Variants in CTPS2 observed in about 807,000 individuals in gnomAD.
CTPS2 encodes the protein CTP synthase II.
A neutral mutation model predicts 46.8 loss-of-function variants in CTPS2; 19 were observed. The observed-to-expected ratio is 0.41, with a 90% confidence interval of 0.28 to 0.60. The LOEUF (loss-of-function observed/expected upper bound fraction) is 0.60, where lower values mean the gene tolerates loss of function less well. Among genes scored for constraint, CTPS2 ranks in the 20% least tolerant of loss-of-function variants. CTPS2 has a pLI of 0.35. For missense variants in CTPS2, 286 were observed against 447.6 expected (o/e 0.64, Z 3.26); for synonymous variants, 151 against 165.2 (o/e 0.91, Z 0.66).
chrX:16,685,846 G>A (rs1394567447), intron 8 of CTPS2, among the ~76,000 whole-genome samples: 46 of 85,875 alleles, frequency 5.4e-4, no homozygotes, highest in African/African-American at 7.4e-4. Flanking sequence ...CAGCCTGGGC[G>A]ACACAGCGAG....
chrX:16,643,765 C>G (rs745562060), intron 13 of CTPS2, among the ~76,000 whole-genome samples: 2 of 110,908 alleles, frequency 1.8e-5, no homozygotes, highest in South Asian at 3.9e-4. Flanking sequence ...ACTAGCCATG[C>G]CCTCCTCATG....
chrX:16,679,906 G>A (rs1045185988), intron 9 of CTPS2, among the ~76,000 whole-genome samples: 1 of 111,388 alleles, frequency 9.0e-6, no homozygotes, highest in African/African-American at 3.3e-5. Context: ...CTGGTCTATG[G>A]TACTTTGTTA....
At chrX:16,632,068 CTAA>C (rs1194300918) in intron 14 of CTPS2, among the ~76,000 whole-genome samples, 3 of 111,304 alleles carry the variant, frequency 2.7e-5, no homozygotes, top group Non-Finnish European at 5.6e-5. Flanking sequence ...CAAAAATCGT[CTAA>C]TGAGTTAATT....
chrX:16,709,866 A>AAAC (rs1431813082), intron 1 of CTPS2, among the ~76,000 whole-genome samples: 2 of 108,049 alleles, frequency 1.9e-5, no homozygotes, highest in African/African-American at 3.4e-5. Context: ...AAAAAAAAAA[A>AAAC]AAAAAAACAG....
intron 8 of CTPS2, among the ~76,000 whole-genome samples, chrX:16,683,884 A>C (rs1922937106): frequency 8.9e-6 from 1 of 112,041 alleles, no homozygotes. Flanking sequence ...TTCCCAGCTG[A>C]CCCACAAAAG....
chrX:16,620,758 G>A, intron 14 of CTPS2, among the ~76,000 whole-genome samples: 1 of 112,024 alleles, frequency 8.9e-6, no homozygotes, highest in Non-Finnish European at 1.9e-5. Context: ...TGCCTTGCTG[G>A]GCAGCGGAGC....
At chrX:16,603,588 T>C (rs1929802089) in intron 17 of CTPS2, among the ~76,000 whole-genome samples, 1 of 104,658 alleles carries the variant, frequency 9.6e-6, no homozygotes, top group South Asian at 4.0e-4. Flanking sequence ...TATATATATC[T>C]ATATAGATAG....
chrX:16,617,046 G>C (rs1930566611), intron 16 of CTPS2, 104 bp downstream of exon 16: 2 of 545,525 alleles, frequency 3.7e-6, no homozygotes, highest in African/African-American at 4.7e-5. Context: ...TTTCAAAGGA[G>C]AGAAGAAAAG....
At chrX:16,630,300 G>T (rs1931396231) in intron 14 of CTPS2, among the ~76,000 whole-genome samples, 1 of 102,380 alleles carries the variant, frequency 9.8e-6, no homozygotes, top group African/African-American at 3.6e-5. Flanking sequence ...TGTTGCCCAG[G>T]TTGGAGTGCA....
chrX:16,651,626 T>C (rs1226524272), intron 13 of CTPS2, among the ~76,000 whole-genome samples: 1 of 112,459 alleles, frequency 8.9e-6, no homozygotes, highest in Admixed American at 9.4e-5. Context: ...CACTCATTTA[T>C]ATTTCAAAAG....
chrX:16,604,553 A>G (rs935958938), intron 17 of CTPS2, among the ~76,000 whole-genome samples: 1 of 111,280 alleles, frequency 9.0e-6, no homozygotes, highest in African/African-American at 3.3e-5. Context: ...CAGGCCAGGC[A>G]CATTGGCCCA....
chrX:16,691,545 CAGGGTTCACGTG>C lies in CTPS2; in HGVS notation c.703_714del (p.His235_Pro238del), dbSNP rs1371182771. The stretch of plus-strand genomic sequence containing the variant: ...ATCTAAAGAGCAGCACCAACCTGTT[CAGGGTTCACGTG>C]ACAAAACATAGAAATCTTCTCCTTC... On this transcript the variant is annotated inframe_deletion, in exon 7 of 19. Transcript: ENST00000359276. 8.3e-7 allele frequency: 1 copy of C among 1,207,091 alleles called. No individual in the cohort carries two copies. The highest frequency in any genetic ancestry group is 1.1e-6 in the Non-Finnish European group (1 of 892,489).
intron 16 of CTPS2, among the ~76,000 whole-genome samples, chrX:16,612,290 T>C (rs1017962340): frequency 1.8e-5 from 2 of 112,142 alleles, no homozygotes; most frequent in Middle Eastern, 4.6e-3. Flanking sequence ...GATTCGTGGA[T>C]ATGTTTCCAA....
At chrX:16,673,595 AG>A (rs1484633408) in intron 10 of CTPS2, among the ~76,000 whole-genome samples, 1 of 110,894 alleles carries the variant, frequency 9.0e-6, no homozygotes, top group Non-Finnish European at 1.9e-5. Flanking sequence ...AAAAAAAAAA[AG>A]CTTTAATTGG....
intron 1 of CTPS2, among the ~76,000 whole-genome samples, chrX:16,710,096 T>A (rs1281367821): frequency 9.1e-5 from 10 of 109,811 alleles, no homozygotes; most frequent in Non-Finnish European, 1.3e-4. Context: ...AAGCCAGCCA[T>A]AAAGCCAAAA....
At chrX:16,611,587 A>G (rs1269381214) in intron 16 of CTPS2, among the ~76,000 whole-genome samples, 1 of 111,475 alleles carries the variant, frequency 9.0e-6, no homozygotes, top group Non-Finnish European at 1.9e-5. Context: ...AGCTACTTAA[A>G]TTCATTAACA....
rs781508231 is a variant in CTPS2 at position 16,609,546 on chromosome X, A to G, written c.1686T>C (p.Ser562=). The change falls in exon 17 of 19, where the codon TCT becomes TCC. Residue 562 remains serine, a synonymous_variant. Coordinates refer to ENST00000359276, the MANE Select transcript of CTPS2 (RefSeq NM_175859.3). ...AAGAGCAGTAAGCTGGTTACCTGGA[A>G]GACAGTTTGCAACCCTGTTGCAAGT... The part of the protein sequence containing the change: ...NAYLQQGCKL[S]SSDRYSDASD... The G allele has an allele frequency of 5.0e-6, 6 of 1,209,551 alleles. No individual in the cohort carries two copies. The highest frequency in any genetic ancestry group is 4.6e-4 in the Middle Eastern group (2 of 4,357).
chrX:16,640,884 A>G (rs994289886), intron 13 of CTPS2, among the ~76,000 whole-genome samples: 2 of 111,824 alleles, frequency 1.8e-5, no homozygotes, highest in African/African-American at 6.5e-5. Context: ...TGATCTTATC[A>G]GTGCCCCAGA....
At position 16,599,782 on chromosome X, in the gene CTPS2, C is replaced by A. The variant is rs765056075; in HGVS notation, c.1692-8920G>T. On this transcript the variant is annotated intron_variant, in intron 17 of 18. Transcript: ENST00000359276. Reference sequence around the variant, plus strand: ...TGAGCCACCGCACCCGGCACCCCCCCCCTTTTTTTTTCTTTTGACACACAG... The same window carrying A: ...TGAGCCACCGCACCCGGCACCCCCCACCTTTTTTTTTCTTTTGACACACAG... Among the ~76,000 whole-genome samples the A allele has an allele frequency of 3.2e-4, 34 of 107,421 alleles. 1 individual carries two copies. The East Asian group carries it at 5.9e-3, about 19-fold the overall frequency. 93.3% of individuals were successfully genotyped at this position (107,421 alleles called of 115,157 possible). A position where few individuals can be genotyped will look rare whatever the true frequency, so the allele number is the denominator to read the frequency against.
Sources: allele counts gnomAD v4.1 joint callset (sites outside exome capture counted in the v4.1 genomes callset), GRCh38; gene constraint gnomAD v4.1.1; transcripts MANE v1.5; gene names NCBI Gene and HGNC (gene_info 2026-07-23, HGNC 2026-07-21).